ADAMTSL1: variants seen among roughly 807,000 people sequenced by gnomAD.
The protein encoded by ADAMTSL1 is ADAMTS like 1, also known as ADAMTS-like protein 1.
ADAMTSL1 carries 126 observed loss-of-function variants against 201.8 expected under a neutral mutation model. The ratio of observed to expected loss-of-function variants is 0.62; its 90% CI spans 0.54 to 0.72. The LOEUF (loss-of-function observed/expected upper bound fraction) is 0.72, where lower values mean the gene tolerates loss of function less well. Ranked by LOEUF, ADAMTSL1 falls within the 30% of genes least tolerant of loss-of-function variation. The pLI is 0.00. For synonymous variants in ADAMTSL1, 1,121 were observed against 903.4 expected (o/e 1.24, Z -4.32); for missense variants, 2,679 against 2,277.8 (o/e 1.18, Z -3.59).
chr9:18,359,838 C>CCA (rs1197856227), intron 2 of ADAMTSL1, among the ~76,000 whole-genome samples: 1 of 127,776 alleles, frequency 7.8e-6, no homozygotes, highest in Non-Finnish European at 1.7e-5. Flanking sequence ...CCCCCCCGCC[C>CCA]ACACAAAATG....
At chr9:18,285,363 T>A (rs937118841) in intron 2 of ADAMTSL1, among the ~76,000 whole-genome samples, 1 of 152,096 alleles carries the variant, frequency 6.6e-6, no homozygotes, top group Non-Finnish European at 1.5e-5. Context: ...ATTGTACTGA[T>A]GAGAGTGAGG....
At chr9:18,003,009 G>A (rs190773438) in intron 1 of ADAMTSL1, among the ~76,000 whole-genome samples, 1 of 151,974 alleles carries the variant, frequency 6.6e-6, no homozygotes, top group African/African-American at 2.4e-5. Context: ...CATAACCTGT[G>A]AGCTAATATT....
At chr9:18,436,682 C>A (rs772503286) in intron 2 of ADAMTSL1, among the ~76,000 whole-genome samples, 1 of 152,138 alleles carries the variant, frequency 6.6e-6, no homozygotes. Context: ...TTTTACTTTA[C>A]CTCTCTATGA....
In ADAMTSL1 at chr9:17,983,064, C is replaced by CTTTTTT. The variant is rs202085722; in HGVS notation, c.87+76145_87+76146insTTTTTT. ...TTTTCATTTTCTTTTTCTTTTCTTT[C>CTTTTTT]TTTCTTTCTTTCTTTTTTTTTTTTG... is the stretch of plus-strand genomic sequence containing the variant. On this transcript the variant is annotated intron_variant, in intron 1 of 29. Transcript: ENST00000680146. Among the ~76,000 whole-genome samples the CTTTTTT allele has an allele frequency of 2.8e-3, 247 of 88,524 alleles. 19 individuals are homozygous for CTTTTTT. Among genetic ancestry groups the CTTTTTT allele is most frequent in the African/African-American group, 3.2e-3 (75 of 23,216 alleles). 58.1% of individuals were successfully genotyped at this position (88,524 alleles called of 152,430 possible).
chr9:18,054,144 G>T (rs1033864745), intron 1 of ADAMTSL1, among the ~76,000 whole-genome samples: 1 of 151,864 alleles, frequency 6.6e-6, no homozygotes, highest in Non-Finnish European at 1.5e-5. Flanking sequence ...ATATGTGTGT[G>T]TCTATAGTTA....
intron 16 of ADAMTSL1, among the ~76,000 whole-genome samples, chr9:18,769,112 T>C (rs1351414828): frequency 1.3e-5 from 2 of 152,044 alleles, no homozygotes; most frequent in African/African-American, 2.4e-5. Flanking sequence ...GACCACTGAG[T>C]AAGAAGGTGA....
In ADAMTSL1 at chr9:18,289,417, T is replaced by G. The variant is rs188524084; in HGVS notation, c.207+125436T>G. Among the ~76,000 whole-genome samples the G allele has an allele frequency of 7.9e-5, 12 of 152,256 alleles. No individual in the cohort carries two copies. The East Asian group carries it at 2.1e-3, about 27-fold the overall frequency. On this transcript the variant is annotated intron_variant, in intron 2 of 29. Transcript: ENST00000680146. ...GGCCCAGTCAAGTTCACACATAAAA[T>G]TAACCATCCAAATTTACCAAAAGCC...
chr9:18,123,279 T>C (rs1481973900), intron 1 of ADAMTSL1, among the ~76,000 whole-genome samples: 1 of 152,220 alleles, frequency 6.6e-6, no homozygotes. Context: ...ACAAGTTGGC[T>C]GAAAATCATG....
chr9:18,648,453 T>A (rs1827966693), intron 7 of ADAMTSL1, among the ~76,000 whole-genome samples: 1 of 152,136 alleles, frequency 6.6e-6, no homozygotes, highest in Non-Finnish European at 1.5e-5. Flanking sequence ...GTAATTTTCC[T>A]CATTAGTTGA....
intron 8 of ADAMTSL1, among the ~76,000 whole-genome samples, chr9:18,661,478 AG>A (rs1325829905): frequency 6.6e-6 from 1 of 152,142 alleles, no homozygotes; most frequent in Non-Finnish European, 1.5e-5. Context: ...CCCATGTGCA[AG>A]GGGAGCAATG....
Position 18,776,939 on chromosome 9 carries a change from G to A in ADAMTSL1, c.2710G>A (p.Val904Ile). 6.2e-7 allele frequency: 1 copy of A among 1,601,010 alleles called. No homozygotes were observed. The highest frequency in any genetic ancestry group is 8.5e-7 in the Non-Finnish European group (1 of 1,173,656). ...AVVLRCPARR[V>I]RKPLITWEKD... ...GGTGCTGCGCTGCCCGGCGCGCAGG[G>A]TCCGCAAGCCCCTCATCACCTGGGA... Residue 904 changes from valine (V) to isoleucine (I), a missense_variant, in exon 19 of 29, where the codon GTC becomes ATC. Coordinates refer to ENST00000380548, the MANE Select transcript of ADAMTSL1 (RefSeq NM_001040272.6).
intron 26 of ADAMTSL1, among the ~76,000 whole-genome samples, chr9:18,897,980 A>C (rs1454330009): frequency 1.3e-5 from 2 of 151,658 alleles, no homozygotes; most frequent in Admixed American, 1.3e-4. Flanking sequence ...GTTTGAGACC[A>C]GCCTGGCCAA....
intron 23 of ADAMTSL1, among the ~76,000 whole-genome samples, chr9:18,867,929 A>G (rs1827646226): frequency 6.6e-6 from 1 of 152,170 alleles, no homozygotes; most frequent in Non-Finnish European, 1.5e-5. Context: ...CCTGGCTGAA[A>G]TACATACATC....
chr9:18,437,406 G>C (rs897700204), intron 2 of ADAMTSL1, among the ~76,000 whole-genome samples: 3 of 151,964 alleles, frequency 2.0e-5, no homozygotes, highest in African/African-American at 7.3e-5. Context: ...CTTCCAATGA[G>C]ACCCCTTCTT....
At chr9:18,127,832 A>G (rs893619955) in intron 1 of ADAMTSL1, among the ~76,000 whole-genome samples, 4 of 152,186 alleles carry the variant, frequency 2.6e-5, no homozygotes, top group Non-Finnish European at 5.9e-5. Flanking sequence ...GACTACCGGC[A>G]TATCATCATT....
intron 2 of ADAMTSL1, among the ~76,000 whole-genome samples, chr9:18,341,304 G>A (rs1407240608): frequency 6.6e-6 from 1 of 152,064 alleles, no homozygotes; most frequent in Non-Finnish European, 1.5e-5. Flanking sequence ...AAAGTTTCAT[G>A]CTGTTTCTTT....
At chr9:18,626,510 C>T (rs114739377) in intron 5 of ADAMTSL1, among the ~76,000 whole-genome samples, 239 of 152,168 alleles carry the variant, frequency 1.6e-3, no homozygotes, top group African/African-American at 5.5e-3. Context: ...AACAAAGAAG[C>T]CAGTGTGACT....
chr9:17,962,882 C>A (rs540482755), intron 1 of ADAMTSL1, among the ~76,000 whole-genome samples: 1 of 152,322 alleles, frequency 6.6e-6, no homozygotes, highest in South Asian at 2.1e-4. Flanking sequence ...GGCCTTGTTG[C>A]CAAGTTTCCT....
intron 2 of ADAMTSL1, among the ~76,000 whole-genome samples, chr9:18,374,305 A>C (rs535521590): frequency 2.6e-5 from 4 of 151,050 alleles, no homozygotes; most frequent in East Asian, 1.9e-4. Flanking sequence ...CAGATATTTT[A>C]TTTTATTTAT....
Sources: gnomAD v4.1 joint callset for allele counts (sites outside exome capture counted in the v4.1 genomes callset) on GRCh38, gnomAD v4.1.1 for gene constraint, MANE v1.5 for transcripts, NCBI Gene and HGNC (gene_info 2026-07-23, HGNC 2026-07-21) for gene names.